The following CYP7B1 variants were observed in gnomAD, a reference collection of about 807,000 sequenced individuals.
CYP7B1 encodes cytochrome P450 family 7 subfamily B member 1, also known as cytochrome P450 7B1.
In CYP7B1, 29 loss-of-function variants were observed where a neutral mutation model predicts 42.7. The ratio of observed to expected loss-of-function variants is 0.68; its 90% confidence interval spans 0.51 to 0.93. The LOEUF (loss-of-function observed/expected upper bound fraction) is 0.93. CYP7B1 is among the 40% of genes least tolerant of loss of function. The pLI is 0.00. For missense variants in CYP7B1, 655 were observed against 600.5 expected (o/e 1.09, Z -0.95); for synonymous variants, 235 against 218.2 (o/e 1.08, Z -0.68).
At chr8:64,721,306 G>A (rs978230956) in intron 1 of CYP7B1, among the ~76,000 whole-genome samples, 4 of 152,026 alleles carry the variant, frequency 2.6e-5, no homozygotes, top group Admixed American at 6.6e-5. Flanking sequence ...GCTAGAAAGC[G>A]TTAAGTGAAT....
At chr8:64,635,039 C>T (rs1373344074) in intron 1 of CYP7B1, among the ~76,000 whole-genome samples, 3 of 152,168 alleles carry the variant, frequency 2.0e-5, no homozygotes, top group South Asian at 2.1e-4. Context: ...AGGTTCTACT[C>T]GAAGCAAGAA....
chr8:64,759,829 C>A (rs1443784391), intron 1 of CYP7B1, among the ~76,000 whole-genome samples: 1 of 152,126 alleles, frequency 6.6e-6, no homozygotes, highest in Non-Finnish European at 1.5e-5. Flanking sequence ...TTAAAATATT[C>A]TTTCCACTCA....
intron 1 of CYP7B1, among the ~76,000 whole-genome samples, chr8:64,668,819 AT>A (rs1806322325): frequency 6.6e-6 from 1 of 152,008 alleles, no homozygotes; most frequent in African/African-American, 2.4e-5. Context: ...TAATGATTGC[AT>A]TTATAAATTA....
chr8:64,740,292 G>A (rs968184590), intron 1 of CYP7B1, among the ~76,000 whole-genome samples: 2 of 151,732 alleles, frequency 1.3e-5, no homozygotes, highest in Admixed American at 6.6e-5. Context: ...ACATATTTGC[G>A]AATTAAACAA....
rs764318154 is a variant in CYP7B1, at chr8:64,616,103, T to C, written c.438A>G (p.Gln146=). 6.2e-7 allele frequency: 1 copy of C among 1,613,726 alleles called. No homozygotes were observed. Among genetic ancestry groups the C allele is most frequent in the African/African-American group, 1.3e-5 (1 of 75,024 alleles). The change falls in exon 3 of 6, where the codon CAA becomes CAG. Residue 146 remains glutamine, a synonymous_variant. Transcript: ENST00000310193. Reference sequence around the variant, plus strand: ...CCAAGAGTATGTCCAAAGATTTGCCTTGCAAAAATTGATAGCAGAGGTGAA... The same window carrying C: ...CCAAGAGTATGTCCAAAGATTTGCCCTGCAAAAATTGATAGCAGAGGTGAA... ...DELHLCYQFL[Q]GKSLDILLES...
chr8:64,611,674 C>T (rs1436619638), intron 4 of CYP7B1, among the ~76,000 whole-genome samples: 1 of 152,054 alleles, frequency 6.6e-6, no homozygotes, highest in African/African-American at 2.4e-5. Flanking sequence ...CTTTAACATC[C>T]CTCACCTGGA....
intron 1 of CYP7B1, among the ~76,000 whole-genome samples, chr8:64,653,177 C>T (rs1446887275): frequency 6.6e-6 from 1 of 151,928 alleles, no homozygotes; most frequent in Non-Finnish European, 1.5e-5. Context: ...AATTGAGACA[C>T]GAAATACCAT....
intron 1 of CYP7B1, among the ~76,000 whole-genome samples, chr8:64,793,282 G>A (rs1157085361): frequency 6.6e-6 from 1 of 151,906 alleles, no homozygotes; most frequent in Non-Finnish European, 1.5e-5. Flanking sequence ...TCTGGTTTAA[G>A]TGTCTTATTT....
downstream of CYP7B1, among the ~76,000 whole-genome samples, chr8:64,589,456 A>G (rs1805007551): frequency 6.6e-6 from 1 of 152,232 alleles, no homozygotes; most frequent in Admixed American, 6.5e-5. Context: ...TAAAACATTC[A>G]ATGATTACAA....
chr8:64,608,050 T>C (rs1196411178), intron 4 of CYP7B1, among the ~76,000 whole-genome samples: 3 of 152,180 alleles, frequency 2.0e-5, no homozygotes, highest in Non-Finnish European at 4.4e-5. Context: ...GATCTCACAA[T>C]TCAGAGCATG....
At chr8:64,616,341 C>T (rs1424181267) in intron 2 of CYP7B1, 60 bp from the exon 3 acceptor site, 3 of 1,054,426 alleles carry the variant, frequency 2.8e-6, no homozygotes, top group African/African-American at 1.6e-5. Context: ...CAGAAATAAA[C>T]ACCACAAATT....
At chr8:64,630,454 T>C (rs1193330067) in intron 1 of CYP7B1, among the ~76,000 whole-genome samples, 2 of 152,378 alleles carry the variant, frequency 1.3e-5, no homozygotes, top group East Asian at 1.9e-4. Context: ...GATAAGAGTA[T>C]TTGAAAGTAG....
In CYP7B1 at chr8:64,611,338, T is replaced by C. The variant is rs568410291; in HGVS notation, c.1057+3688A>G. ...CTCATCTGTGAAAGTGACAAAATAA[T>C]AGCTGTCACTGTCCTCCAGAGTATC... On this transcript the variant is annotated intron_variant, in intron 4 of 5. Coordinates refer to ENST00000310193, the MANE Select transcript of CYP7B1 (RefSeq NM_004820.5). 2.5e-3 allele frequency among the ~76,000 whole-genome samples: 378 copies of C among 152,274 alleles called. 2 individuals are homozygous for C. The highest frequency in any genetic ancestry group is 4.7e-3 in the Non-Finnish European group (319 of 68,006).
intron 1 of CYP7B1, among the ~76,000 whole-genome samples, chr8:64,650,619 TC>T (rs1383558407): frequency 3.3e-5 from 5 of 152,164 alleles, no homozygotes; most frequent in Admixed American, 2.0e-4. Context: ...TTGCACTCCA[TC>T]CTGGGTGATA....
intron 1 of CYP7B1, among the ~76,000 whole-genome samples, chr8:64,729,348 GCACA>G (rs1248955047): frequency 6.6e-6 from 1 of 152,094 alleles, no homozygotes; most frequent in Non-Finnish European, 1.5e-5. Context: ...ACACATTCAT[GCACA>G]CACAATCTTA....
chr8:64,751,854 G>A (rs770346536), intron 1 of CYP7B1, among the ~76,000 whole-genome samples: 16 of 152,086 alleles, frequency 1.1e-4, no homozygotes, highest in Non-Finnish European at 2.2e-4. Context: ...ACCTGGGCAT[G>A]GTTCCTAACC....
At chr8:64,677,912 T>C (rs1806476419) in intron 1 of CYP7B1, among the ~76,000 whole-genome samples, 1 of 152,076 alleles carries the variant, frequency 6.6e-6, no homozygotes, top group Non-Finnish European at 1.5e-5. Flanking sequence ...TTGCTGTTCA[T>C]GGTTTCCTCC....
intron 1 of CYP7B1, among the ~76,000 whole-genome samples, chr8:64,630,371 T>C (rs771168151): frequency 6.6e-6 from 1 of 152,246 alleles, no homozygotes. Flanking sequence ...CCACTATCTA[T>C]GTAGATCCTC....
chr8:64,679,605 A>C (rs1276128655), intron 1 of CYP7B1, among the ~76,000 whole-genome samples: 2 of 152,132 alleles, frequency 1.3e-5, no homozygotes, highest in African/African-American at 4.8e-5. Flanking sequence ...TTTATGTGAA[A>C]GGGAACAGAA....
Sources: allele counts gnomAD v4.1 joint callset (sites outside exome capture counted in the v4.1 genomes callset), GRCh38; gene constraint gnomAD v4.1.1; transcripts MANE v1.5; gene names NCBI Gene and HGNC (gene_info 2026-07-23, HGNC 2026-07-21).